Variants in SEC23A observed in about 807,000 individuals in gnomAD.
SEC23A encodes protein transport protein Sec23A.
SEC23A carries 56 observed loss-of-function variants against 103.7 expected under a neutral mutation model. The ratio of observed to expected loss-of-function variants is 0.54; its 90% confidence interval spans 0.44 to 0.67. The LOEUF (loss-of-function observed/expected upper bound fraction) is 0.67, where lower values mean the gene tolerates loss of function less well. SEC23A is among the 30% of genes least tolerant of loss of function. The pLI, the probability that SEC23A is intolerant of heterozygous loss-of-function variation, is 0.00. For synonymous variants in SEC23A, 281 were observed against 293.0 expected (o/e 0.96, Z 0.42); for missense variants, 784 against 936.4 (o/e 0.84, Z 2.12).
At chr14:39,065,780 C>A (rs1444267331) in intron 10 of SEC23A, among the ~76,000 whole-genome samples, 1 of 152,090 alleles carries the variant, frequency 6.6e-6, no homozygotes, top group Admixed American at 6.6e-5. Context: ...AGGTGGATCA[C>A]CCAAGGTCGG....
At chr14:39,068,435 A>C (rs1886744491) in intron 9 of SEC23A, among the ~76,000 whole-genome samples, 1 of 152,216 alleles carries the variant, frequency 6.6e-6, no homozygotes, top group Admixed American at 6.5e-5. Flanking sequence ...AACAAAATAT[A>C]TTCACAAGGT....
At chr14:39,064,330 A>C (rs916270078) in intron 11 of SEC23A, among the ~76,000 whole-genome samples, 1 of 152,224 alleles carries the variant, frequency 6.6e-6, no homozygotes, top group African/African-American at 2.4e-5. Context: ...AGTACGTTAT[A>C]CTTCCATTAA....
intron 8 of SEC23A, 105 bp downstream of exon 8, chr14:39,075,830 A>ACTG (rs1886995000): frequency 5.4e-6 from 5 of 924,208 alleles, no homozygotes; most frequent in Non-Finnish European, 8.7e-6. Context: ...ATAGTATCAA[A>ACTG]CTGTATAATA....
At chr14:39,071,204 G>A (rs1159026504) in intron 9 of SEC23A, among the ~76,000 whole-genome samples, 1 of 152,162 alleles carries the variant, frequency 6.6e-6, no homozygotes, top group Non-Finnish European at 1.5e-5. Context: ...TTTGCAGATG[G>A]CATGATGTTA....
At chr14:39,035,949 A>G (rs1157986085) in intron 19 of SEC23A, among the ~76,000 whole-genome samples, 3 of 152,056 alleles carry the variant, frequency 2.0e-5, no homozygotes, top group Non-Finnish European at 2.9e-5. Flanking sequence ...AAAATCCCCA[A>G]TGTGGCAGTA....
chr14:39,094,373 T>TACACAC (rs1160995370), intron 2 of SEC23A, among the ~76,000 whole-genome samples: 1 of 19,450 alleles, frequency 5.1e-5, no homozygotes, highest in Non-Finnish European at 8.9e-5. Context: ...CATATATATA[T>TACACAC]ACACACACAC....
intron 7 of SEC23A, among the ~76,000 whole-genome samples, chr14:39,079,475 T>A (rs560499588): frequency 2.9e-4 from 44 of 152,288 alleles, no homozygotes; most frequent in African/African-American, 1.0e-3. Flanking sequence ...CAACCTACAC[T>A]ACAGCTTCAG....
intron 7 of SEC23A, among the ~76,000 whole-genome samples, chr14:39,082,438 T>G (rs895414989): frequency 6.6e-6 from 1 of 152,042 alleles, no homozygotes; most frequent in Admixed American, 6.6e-5. Flanking sequence ...AAAAGTTTGC[T>G]GAGTACACTG....
Position 39,094,428 on chromosome 14 carries a change from ATATATATATATATAT to A in SEC23A, c.222-1199_222-1185del, listed in dbSNP as rs1566515144. On this transcript the variant is annotated intron_variant, in intron 2 of 19. Transcript: ENST00000307712. ...TATATATATATATATATATATATAT[ATATATATATATATAT>A]TTTTTTTTTTTTTTTTTCCCCTCCT... Among the ~76,000 whole-genome samples, 45 of 46,648 alleles carry A rather than the reference ATATATATATATATAT, an allele frequency of 9.6e-4. 3 individuals are homozygous for A. Among genetic ancestry groups the A allele is most frequent in the South Asian group, 1.4e-3 (2 of 1,416 alleles). 30.6% of individuals were successfully genotyped at this position (46,648 alleles called of 152,430 possible).
At chr14:39,072,180 C>A (rs1433726307) in intron 9 of SEC23A, among the ~76,000 whole-genome samples, 1 of 151,054 alleles carries the variant, frequency 6.6e-6, no homozygotes, top group Non-Finnish European at 1.5e-5. Context: ...TCCAGTGAGC[C>A]TAGATCGCAC....
At chr14:39,065,592 A>G (rs918019685) in intron 10 of SEC23A, among the ~76,000 whole-genome samples, 38 of 152,260 alleles carry the variant, frequency 2.5e-4, no homozygotes, top group Admixed American at 2.0e-3. Flanking sequence ...TCAAATACAA[A>G]GCATCTACTC....
In SEC23A at chr14:39,095,895, T is replaced by A. The variant is rs758523399; in HGVS notation, c.221+3A>T. 6.3e-7 allele frequency: 1 copy of A among 1,594,590 alleles called. No individual in the cohort carries two copies. The highest frequency in any genetic ancestry group is 1.7e-5 in the Admixed American group (1 of 59,984). ...CATTAGTTTTTCTATATATTTTACT[T>A]ACCATAAAGGATTCAAAACTGCACG... On this transcript the variant is annotated splice_donor_region_variant and intron_variant, in intron 2 of 19. Coordinates refer to ENST00000307712, the MANE Select transcript of SEC23A (RefSeq NM_006364.4).
chr14:39,059,229 T>C (rs545577528), intron 13 of SEC23A, among the ~76,000 whole-genome samples: 2 of 132,242 alleles, frequency 1.5e-5, no homozygotes, highest in Admixed American at 1.7e-4. Flanking sequence ...TATGGCTTAT[T>C]CACTTAACAA....
intron 9 of SEC23A, among the ~76,000 whole-genome samples, chr14:39,068,472 A>G (rs1886745792): frequency 1.3e-5 from 2 of 152,220 alleles, no homozygotes; most frequent in Admixed American, 1.3e-4. Context: ...ATTTGTAACA[A>G]CAAAAGTTTT....
At chr14:39,047,383 C>T in intron 15 of SEC23A, 1 of 1,288,416 alleles carries the variant, frequency 7.8e-7, no homozygotes, top group Non-Finnish European at 1.0e-6. Context: ...ACAAGCAGAC[C>T]TTGCCTTTTC....
At chr14:39,037,079 T>A (rs1223430946) in intron 19 of SEC23A, among the ~76,000 whole-genome samples, 1 of 152,040 alleles carries the variant, frequency 6.6e-6, no homozygotes, top group Non-Finnish European at 1.5e-5. Flanking sequence ...CACTAAACAC[T>A]CCTACCACTT....
chr14:39,096,182 TA>T, intron 1 of SEC23A, 43 bp from the exon 2 acceptor site: 1 of 1,270,256 alleles, frequency 7.9e-7, no homozygotes, highest in South Asian at 1.2e-5. Flanking sequence ...AGGATCCTCT[TA>T]AGAACGTTCA....
intron 14 of SEC23A, among the ~76,000 whole-genome samples, chr14:39,049,303 G>A (rs986047629): frequency 4.6e-5 from 7 of 151,596 alleles, no homozygotes; most frequent in Non-Finnish European, 8.8e-5. Context: ...TGGTGAAACC[G>A]CATCTCTACT....
chr14:39,044,847 T>G (rs1042067101), intron 16 of SEC23A, among the ~76,000 whole-genome samples: 2 of 152,200 alleles, frequency 1.3e-5, no homozygotes, highest in African/African-American at 4.8e-5. Flanking sequence ...TTCTGGACAT[T>G]GTTAAAGACG....
Sources: allele counts gnomAD v4.1 joint callset (sites outside exome capture counted in the v4.1 genomes callset), GRCh38; gene constraint gnomAD v4.1.1; transcripts MANE v1.5; gene names NCBI Gene and HGNC (gene_info 2026-07-23, HGNC 2026-07-21).